ARHGAP44: variants seen among roughly 807,000 people sequenced by gnomAD.
ARHGAP44 encodes rho GTPase-activating protein 44.
Under a neutral mutation model 106.8 loss-of-function variants are expected in ARHGAP44, and 43 were observed. The ratio of observed to expected loss-of-function variants is 0.40; its 90% confidence interval spans 0.32 to 0.52. The LOEUF is 0.52. Ranked by LOEUF, ARHGAP44 falls within the 20% of genes least tolerant of loss-of-function variation. The probability of loss-of-function intolerance (pLI) is 0.48; values close to 1 mark genes in which losing one functional copy is unlikely to be tolerated. For missense variants in ARHGAP44, 866 were observed against 1,050.5 expected, an observed-to-expected ratio of 0.82 and a Z score of 2.43; for synonymous variants, 439 against 410.3, an observed-to-expected ratio of 1.07 and a Z score of -0.85.
chr17:12,910,830 G>A (rs932273091), intron 4 of ARHGAP44, among the ~76,000 whole-genome samples: 1 of 151,922 alleles, frequency 6.6e-6, no homozygotes, highest in Non-Finnish European at 1.5e-5. Context: ...AGTATTTCAA[G>A]CTCCTGTATT....
rs1567697731 is a variant in ARHGAP44 at position 12,938,602 on chromosome 17, A to AAC, written c.583-2452_583-2451dup. ...TATATTAAAAAAAAAAAAAAAAAAA[A>AAC]ACAGCTGCCTGGTGGGATTACAGGT... On this transcript the variant is annotated intron_variant, in intron 7 of 20. Transcript: ENST00000379672. Among the ~76,000 whole-genome samples, 6 of 151,664 alleles carry AAC rather than the reference A, an allele frequency of 4.0e-5. No homozygotes were observed. In the East Asian group the frequency reaches 9.7e-4, roughly 25 times the overall value.
At chr17:12,870,390 TA>T in intron 1 of ARHGAP44, among the ~76,000 whole-genome samples, 1 of 152,270 alleles carries the variant, frequency 6.6e-6, no homozygotes, top group Non-Finnish European at 1.5e-5. Context: ...TTTAGCCTTT[TA>T]ATACGTACTG....
At chr17:12,989,101 C>CCAA (rs1598173210) in intron 20 of ARHGAP44, among the ~76,000 whole-genome samples, 21 of 45,158 alleles carry the variant, frequency 4.7e-4, no homozygotes, top group East Asian at 1.9e-3. Flanking sequence ...CCACCCCCCC[C>CCAA]AAAAAAAAAA....
chr17:12,809,998 G>A (rs1410841956), intron 1 of ARHGAP44, among the ~76,000 whole-genome samples: 1 of 152,094 alleles, frequency 6.6e-6, no homozygotes. Flanking sequence ...ATGGTGGTGA[G>A]GAATCATCAG....
chr17:12,919,773 C>G lies in ARHGAP44; in HGVS notation c.406C>G (p.Gln136Glu). The G allele has an allele frequency of 6.2e-7, 1 of 1,612,826 alleles. No individual in the cohort carries two copies. The highest frequency in any genetic ancestry group is 8.5e-7 in the Non-Finnish European group (1 of 1,179,368). ...LLAEVEIPNI[Q>E]KQRKHLAKLV... is the part of the protein sequence containing the mutation. Reference sequence around the variant, plus strand: ...ACCACAGGTGGAAATCCCAAATATTCAAAAGCAGAGGAAACACTTAGCCAA... The same window carrying G: ...ACCACAGGTGGAAATCCCAAATATTGAAAAGCAGAGGAAACACTTAGCCAA... Residue 136 changes from glutamine to glutamate, a missense_variant, in exon 6 of 21, where the codon CAA becomes GAA. By Grantham distance (29) the Gln-to-Glu change is conservative (BLOSUM62 2). Coordinates refer to ENST00000379672, the MANE Select transcript of ARHGAP44 (RefSeq NM_014859.6).
At chr17:12,903,988 G>T (rs1216637837) in intron 3 of ARHGAP44, among the ~76,000 whole-genome samples, 1 of 152,196 alleles carries the variant, frequency 6.6e-6, no homozygotes, top group African/African-American at 2.4e-5. Context: ...TTTGTAGTCT[G>T]TTGTGCGTTA....
At chr17:12,955,781 A>G in intron 13 of ARHGAP44, 86 bp from the exon 14 acceptor site, 1 of 745,292 alleles carries the variant, frequency 1.3e-6, no homozygotes, top group Non-Finnish European at 2.3e-6. Context: ...GAGATATGTG[A>G]CATGAGAGAA....
At chr17:12,791,738 C>T (rs978376151) in intron 1 of ARHGAP44, among the ~76,000 whole-genome samples, 1 of 152,112 alleles carries the variant, frequency 6.6e-6, no homozygotes, top group Admixed American at 6.6e-5. Context: ...ATTGAGAGCA[C>T]GTTCTTGGAA....
chr17:12,844,915 G>A (rs547387989), intron 1 of ARHGAP44, among the ~76,000 whole-genome samples: 50 of 152,224 alleles, frequency 3.3e-4, no homozygotes, highest in African/African-American at 9.4e-4. Context: ...CAGAACTGAC[G>A]TGTACTTTTA....
At chr17:12,972,226 T>C (rs2039543701) in intron 16 of ARHGAP44, among the ~76,000 whole-genome samples, 1 of 152,204 alleles carries the variant, frequency 6.6e-6, no homozygotes, top group Non-Finnish European at 1.5e-5. Context: ...GTTTCTCCCT[T>C]AATGCTAGAA....
chr17:12,960,648 C>T (rs2039240194), intron 16 of ARHGAP44, among the ~76,000 whole-genome samples: 1 of 152,072 alleles, frequency 6.6e-6, no homozygotes, highest in Non-Finnish European at 1.5e-5. Context: ...GCAACCTCTG[C>T]ATCCCGGTTT....
chr17:12,809,529 T>C (rs186578875), intron 1 of ARHGAP44, among the ~76,000 whole-genome samples: 11 of 152,316 alleles, frequency 7.2e-5, no homozygotes, highest in African/African-American at 2.2e-4. Context: ...ATGAAACTTA[T>C]TCACTATGAC....
chr17:12,987,201 A>T, intron 20 of ARHGAP44: 2 of 1,479,248 alleles, frequency 1.4e-6, no homozygotes, highest in Admixed American at 4.3e-5. Flanking sequence ...TAGCCAGGCC[A>T]GCTGCCCGCT....
chr17:12,885,324 GGTGTGT>G (rs146415425), intron 1 of ARHGAP44, among the ~76,000 whole-genome samples: 8,645 of 148,782 alleles, frequency 0.058, 791 homozygotes, highest in African/African-American at 0.2. Context: ...TCACAGAGTA[GGTGTGT>G]GTGTGTGTGT....
chr17:12,797,335 T>TA (rs1274290717), intron 1 of ARHGAP44, among the ~76,000 whole-genome samples: 13 of 152,226 alleles, frequency 8.5e-5, no homozygotes, highest in African/African-American at 3.1e-4. Context: ...GTATAATACT[T>TA]ACGCTTTTTA....
chr17:12,915,256 T>C (rs1031719251), intron 4 of ARHGAP44, among the ~76,000 whole-genome samples: 4 of 152,160 alleles, frequency 2.6e-5, no homozygotes, highest in Non-Finnish European at 4.4e-5. Context: ...CCAGGCTGGT[T>C]TGTAATAACT....
chr17:12,956,816 T>C, intron 15 of ARHGAP44, 70 bp downstream of exon 15: 1 of 1,424,866 alleles, frequency 7.0e-7, no homozygotes, highest in Non-Finnish European at 9.8e-7. Flanking sequence ...TTCTGAGCCT[T>C]TGAAGCCAAG....
chr17:12,797,588 C>G (rs182654369), intron 1 of ARHGAP44, among the ~76,000 whole-genome samples: 1 of 152,288 alleles, frequency 6.6e-6, no homozygotes, highest in East Asian at 1.9e-4. Flanking sequence ...GGCTGAACTT[C>G]TCAGCTCAGC....
intron 13 of ARHGAP44, among the ~76,000 whole-genome samples, chr17:12,954,526 G>A (rs1019146267): frequency 2.0e-5 from 3 of 152,294 alleles, no homozygotes; most frequent in Admixed American, 6.5e-5. Context: ...AGGAGAGGCC[G>A]TGCGTGGAGT....
Sources: allele counts gnomAD v4.1 joint callset (sites outside exome capture counted in the v4.1 genomes callset), GRCh38; gene constraint gnomAD v4.1.1; transcripts MANE v1.5; gene names NCBI Gene and HGNC (gene_info 2026-07-23, HGNC 2026-07-21).